TTC13: variants seen among roughly 807,000 people sequenced by gnomAD.
The protein encoded by TTC13 is tetratricopeptide repeat protein 13.
Under a neutral mutation model 120.0 loss-of-function variants are expected in TTC13, and 62 were observed. The ratio of observed to expected loss-of-function variants is 0.52; its 90% CI spans 0.42 to 0.64. TTC13 has a LOEUF of 0.64. Ranked by LOEUF, TTC13 falls within the 30% of genes least tolerant of loss-of-function variation. TTC13 has a pLI of 0.00. For synonymous variants in TTC13, 384 were observed against 393.5 expected (o/e 0.98, Z 0.28); for missense variants, 824 against 1,050.2 (o/e 0.78, Z 2.98).
intron 18 of TTC13, among the ~76,000 whole-genome samples, chr1:230,913,509 A>ACCAGG (rs1671710146): frequency 6.6e-6 from 1 of 151,886 alleles, no homozygotes; most frequent in South Asian, 2.1e-4. Flanking sequence ...ACTGGTATGC[A>ACCAGG]CCTGTAGTTA....
chr1:230,929,284 C>G (rs1174698285), intron 11 of TTC13, among the ~76,000 whole-genome samples, 191 bp from the exon 12 acceptor site: 1 of 151,282 alleles, frequency 6.6e-6, no homozygotes, highest in Non-Finnish European at 1.5e-5. Context: ...ATAACAAGGT[C>G]AAATATAAGT....
chr1:230,912,865 A>G (rs1671658171), intron 18 of TTC13, 107 bp from the exon 19 acceptor site: 2 of 962,622 alleles, frequency 2.1e-6, no homozygotes, highest in Non-Finnish European at 3.1e-6. Context: ...AGCACTAAAC[A>G]TATACAAGAA....
chr1:230,951,167 C>T (rs1675534831), intron 4 of TTC13, among the ~76,000 whole-genome samples: 1 of 152,106 alleles, frequency 6.6e-6, no homozygotes. Context: ...ACCAAGACAA[C>T]AGGAAAGGTA....
intron 15 of TTC13, among the ~76,000 whole-genome samples, chr1:230,922,676 C>A (rs1672687908): frequency 6.6e-6 from 1 of 152,220 alleles, no homozygotes; most frequent in African/African-American, 2.4e-5. Context: ...CCCCACCTCT[C>A]TCTGTTTTCC....
At chr1:230,963,122 A>G (rs969981928) in intron 1 of TTC13, among the ~76,000 whole-genome samples, 37 of 152,228 alleles carry the variant, frequency 2.4e-4, no homozygotes, top group Admixed American at 1.0e-3. Context: ...AGCAGTCATT[A>G]AAGAGCATTA....
intron 8 of TTC13, 39 bp from the exon 9 acceptor site, chr1:230,933,900 T>C (rs1673803590): frequency 7.6e-7 from 1 of 1,307,954 alleles, no homozygotes; most frequent in Non-Finnish European, 1.1e-6. Context: ...ATTTGCATAA[T>C]TGTTAAAATT....
intron 4 of TTC13, among the ~76,000 whole-genome samples, chr1:230,947,326 T>C (rs1259203937): frequency 6.6e-6 from 1 of 151,946 alleles, no homozygotes; most frequent in Non-Finnish European, 1.5e-5. Flanking sequence ...GGGAACCTAA[T>C]GAGGAATTAA....
At chr1:230,936,990 A>C (rs1024536354) in intron 8 of TTC13, among the ~76,000 whole-genome samples, 2 of 152,216 alleles carry the variant, frequency 1.3e-5, no homozygotes, top group African/African-American at 4.8e-5. Context: ...TGGATCTATA[A>C]AAATGCAAAG....
chr1:230,942,797 A>C lies in TTC13; in HGVS notation c.672+1009T>G, dbSNP rs2102884794. 6.6e-6 allele frequency among the ~76,000 whole-genome samples: 1 copy of C among 152,280 alleles called. No individual in the cohort carries two copies. The highest frequency in any genetic ancestry group is 2.1e-4 in the South Asian group (1 of 4,824). ...CACTCTCCTCCATCTTGTCCCCACC[A>C]CACCATGGGACTGGATCAGCTCTAG... On this transcript the variant is annotated intron_variant, in intron 6 of 22. Transcript: ENST00000366661. This position sits in a 1 kb window ranked among gnomAD's most constrained non-coding sequence, Gnocchi z 4.0.
At chr1:230,968,184 T>TGGG (rs10587077) in intron 1 of TTC13, among the ~76,000 whole-genome samples, 1 of 130,902 alleles carries the variant, frequency 7.6e-6, no homozygotes, top group African/African-American at 2.7e-5. Context: ...CCTATGGTGG[T>TGGG]GGGGGGGGGG....
intron 22 of TTC13, among the ~76,000 whole-genome samples, chr1:230,907,455 G>A (rs765529550): frequency 1.3e-5 from 2 of 152,244 alleles, no homozygotes; most frequent in Non-Finnish European, 2.9e-5. Context: ...TTCAAGGTAC[G>A]CTGTAAAGCG....
chr1:230,923,896 G>C lies in TTC13; in HGVS notation c.1759C>G (p.Gln587Glu). ...DPDQPVLWLD[Q>E]MPARSLSRGF... ...CTGCTAAGACTTCGTGCTGGCATTT[G>C]ATCTAACCACAGCACGGGCTGGTCT... The change falls in exon 15 of 23, where the codon CAA becomes GAA. Residue 587 changes from glutamine (Q) to glutamate (E), a missense_variant. By Grantham distance (29) the Gln-to-Glu change is conservative (BLOSUM62 2). Around this residue, in one of 4 missense-constraint regions of TTC13, gnomAD observed 430 missense variants for 626.8 expected, o/e 0.69. Coordinates refer to ENST00000366661, the MANE Select transcript of TTC13 (RefSeq NM_024525.5). 5 of 1,614,028 alleles carry C rather than the reference G, an allele frequency of 3.1e-6. No homozygotes were observed. The highest frequency in any genetic ancestry group is 3.4e-6 in the Non-Finnish European group (4 of 1,179,914).
At chr1:230,963,672 A>AG (rs1363666067) in intron 1 of TTC13, among the ~76,000 whole-genome samples, 1 of 134,022 alleles carries the variant, frequency 7.5e-6, no homozygotes, top group African/African-American at 2.6e-5. Flanking sequence ...ATAAATAAAT[A>AG]AAAGAAAAAA....
At chr1:230,933,250 G>A (rs1011034213) in intron 9 of TTC13, among the ~76,000 whole-genome samples, 1 of 151,816 alleles carries the variant, frequency 6.6e-6, no homozygotes, top group East Asian at 1.9e-4. Context: ...TGGGATTACA[G>A]GGATGAGCCA....
At chr1:230,907,326 G>C (rs907478443) in intron 22 of TTC13, among the ~76,000 whole-genome samples, 1 of 152,190 alleles carries the variant, frequency 6.6e-6, no homozygotes, top group Admixed American at 6.5e-5. Context: ...CAGGTTTCAG[G>C]TCCAGCTTCA....
chr1:230,970,620 T>C (rs1438076102), intron 1 of TTC13, among the ~76,000 whole-genome samples: 1 of 152,204 alleles, frequency 6.6e-6, no homozygotes, highest in Admixed American at 6.5e-5. Context: ...GTTTTCTCAC[T>C]GCTTCTTAGT....
Position 230,948,329 on chromosome 1 carries a change from T to TAA in TTC13, c.514-2877_514-2876dup, listed in dbSNP as rs5781611. ...ATTTTCTAGTCCAGCATATTTCACTTAAAAAAAAAAGTGCTAATCTTGACT... is the reference window on the plus strand; with the variant it reads ...ATTTTCTAGTCCAGCATATTTCACTTAAAAAAAAAAAAGTGCTAATCTTGACT... On this transcript the variant is annotated intron_variant, in intron 4 of 22. Transcript: ENST00000366661. Among the ~76,000 whole-genome samples the TAA allele has an allele frequency of 1.7e-3, 240 of 141,440 alleles. 1 individual carries two copies. Among genetic ancestry groups the TAA allele is most frequent in the Non-Finnish European group, 2.2e-3 (147 of 65,694 alleles). 92.8% of individuals were successfully genotyped at this position (141,440 alleles called of 152,430 possible). A position where few individuals can be genotyped will look rare whatever the true frequency, so the allele number is the denominator to read the frequency against.
At chr1:230,948,997 C>T (rs1675274667) in intron 4 of TTC13, among the ~76,000 whole-genome samples, 1 of 152,112 alleles carries the variant, frequency 6.6e-6, no homozygotes, top group Admixed American at 6.5e-5. Flanking sequence ...AATAAATATG[C>T]TCCTTCTCCT....
At chr1:230,951,510 A>C (rs751739403) in intron 4 of TTC13, among the ~76,000 whole-genome samples, 2 of 152,232 alleles carry the variant, frequency 1.3e-5, no homozygotes, top group Non-Finnish European at 2.9e-5. Context: ...CATATCTAGA[A>C]GGTCCTGCAA....
Sources: gnomAD v4.1 joint callset for allele counts (sites outside exome capture counted in the v4.1 genomes callset) on GRCh38, gnomAD v4.1.1 for gene constraint, gnomAD v4.1.1 regional missense constraint, Gnocchi (gnomAD v3.1) non-coding constraint, MANE v1.5 for transcripts, NCBI Gene and HGNC (gene_info 2026-07-23, HGNC 2026-07-21) for gene names.